Variants in ARHGAP39 observed in about 807,000 individuals in gnomAD.
The protein encoded by ARHGAP39 is rho GTPase-activating protein 39.
ARHGAP39 carries 44 observed loss-of-function variants against 106.9 expected under a neutral mutation model. The observed-to-expected ratio is 0.41, with a 90% CI of 0.32 to 0.53. The LOEUF (loss-of-function observed/expected upper bound fraction) is 0.53, where lower values mean the gene tolerates loss of function less well. ARHGAP39 is among the 20% of genes least tolerant of loss of function. The probability of loss-of-function intolerance (pLI) is 0.21; values close to 1 mark genes in which losing one functional copy is unlikely to be tolerated. For synonymous variants in ARHGAP39, 768 were observed against 693.2 expected, an observed-to-expected ratio of 1.11 and a Z score of -1.69; for missense variants, 1,496 against 1,577.3, an observed-to-expected ratio of 0.95 and a Z score of 0.87.
At chr8:144,534,510 C>G (rs1208137055) in intron 7 of ARHGAP39, among the ~76,000 whole-genome samples, 1 of 152,212 alleles carries the variant, frequency 6.6e-6, no homozygotes, top group East Asian at 1.9e-4. Context: ...CCTCTAGACC[C>G]CACTGCTCCC....
At chr8:144,545,026 C>G (rs1295912622) in intron 6 of ARHGAP39, among the ~76,000 whole-genome samples, 1 of 152,268 alleles carries the variant, frequency 6.6e-6, no homozygotes, top group Non-Finnish European at 1.5e-5. Context: ...GCCCTCGTGT[C>G]TGCCAGGGCT....
intron 2 of ARHGAP39, among the ~76,000 whole-genome samples, chr8:144,581,567 C>T (rs1008085989): frequency 6.6e-6 from 1 of 152,228 alleles, no homozygotes; most frequent in Non-Finnish European, 1.5e-5. Context: ...TCCTCACAGG[C>T]ACCCAGGCCA....
chr8:144,558,235 A>G (rs1818018235), intron 3 of ARHGAP39, among the ~76,000 whole-genome samples: 1 of 152,262 alleles, frequency 6.6e-6, no homozygotes, highest in African/African-American at 2.4e-5. Context: ...GGAAAATTCA[A>G]TAAATATAAA....
intron 3 of ARHGAP39, among the ~76,000 whole-genome samples, chr8:144,579,492 G>A (rs1046004930): frequency 2.6e-5 from 4 of 151,952 alleles, no homozygotes; most frequent in African/African-American, 9.7e-5. Context: ...CCTGAATACC[G>A]ACACCAACAC....
At chr8:144,663,909 G>A (rs767761281) in intron 1 of ARHGAP39, among the ~76,000 whole-genome samples, 1 of 152,228 alleles carries the variant, frequency 6.6e-6, no homozygotes, top group Non-Finnish European at 1.5e-5. Context: ...GCTCATGCCT[G>A]TAATCCCAGC....
rs143702957 is a variant in ARHGAP39, at chr8:144,644,143, G to A, written c.-81-38448C>T. 1.1e-3 allele frequency among the ~76,000 whole-genome samples: 165 copies of A among 152,244 alleles called. No homozygotes were observed. Among genetic ancestry groups the A allele is most frequent in the African/African-American group, 3.8e-3 (158 of 41,548 alleles). On this transcript the variant is annotated intron_variant, in intron 1 of 11. Coordinates refer to ENST00000377307, the MANE Select transcript of ARHGAP39 (RefSeq NM_025251.3). This position sits in a 1 kb window ranked among gnomAD's most constrained non-coding sequence, Gnocchi z 4.8. ...ATTCCCGGCAGCACCATTCACAGGA[G>A]CCAAACACAGCACAGCCCCACGTTC...
Position 144,679,083 on chromosome 8 carries a change from G to A in ARHGAP39, c.-82+6603C>T, listed in dbSNP as rs547716241. 3.9e-5 allele frequency among the ~76,000 whole-genome samples: 6 copies of A among 152,342 alleles called. No individual in the cohort carries two copies. In the East Asian group the frequency reaches 1.2e-3, roughly 29 times the overall value. ...AGGTGAAGGTCCCAAAGCCCCAAAG[G>A]GTTGAGGCCAGAAGTGAATGTGGGT... On this transcript the variant is annotated intron_variant, in intron 1 of 11. Transcript: ENST00000377307. This position sits in a 1 kb window ranked among gnomAD's most constrained non-coding sequence, Gnocchi z 4.7.
intron 4 of ARHGAP39, among the ~76,000 whole-genome samples, chr8:144,551,630 T>G (rs546176335): frequency 5.1e-4 from 73 of 142,174 alleles, no homozygotes; most frequent in South Asian, 3.1e-3. Context: ...CCTTCCGCCA[T>G]GTAGGCAGCT....
At chr8:144,598,380 G>A (rs1819710975) in intron 2 of ARHGAP39, among the ~76,000 whole-genome samples, 1 of 152,226 alleles carries the variant, frequency 6.6e-6, no homozygotes, top group Non-Finnish European at 1.5e-5. Context: ...GGTGCCACAT[G>A]AGGACACATG....
rs189616136 is a variant in ARHGAP39 at position 144,571,024 on chromosome 8, C to T, written c.512+9822G>A. Among the ~76,000 whole-genome samples, 830 of 152,202 alleles carry T rather than the reference C, an allele frequency of 5.5e-3. 5 individuals are homozygous for T. The highest frequency in any genetic ancestry group is 0.018 in the African/African-American group (759 of 41,512). The stretch of plus-strand genomic sequence containing the variant: ...CAACCAAAAAAAGTCCAGGACCAGA[C>T]GGATTCACAGCCGAATTCTACCAGA... On this transcript the variant is annotated intron_variant, in intron 3 of 11. Coordinates refer to ENST00000377307, the MANE Select transcript of ARHGAP39 (RefSeq NM_025251.3).
At chr8:144,605,087 C>G (rs1439654380) in intron 2 of ARHGAP39, among the ~76,000 whole-genome samples, 1 of 152,052 alleles carries the variant, frequency 6.6e-6, no homozygotes, top group African/African-American at 2.4e-5. Flanking sequence ...AGCAACAGAC[C>G]TCATCTTTAC....
intron 3 of ARHGAP39, among the ~76,000 whole-genome samples, chr8:144,572,672 C>T (rs1378443783): frequency 2.0e-5 from 3 of 152,088 alleles, no homozygotes; most frequent in Admixed American, 2.0e-4. Flanking sequence ...AAAGAAACTA[C>T]CATCAGAGTG....
intron 1 of ARHGAP39, among the ~76,000 whole-genome samples, chr8:144,672,231 T>A (rs544032547): frequency 1.3e-5 from 2 of 152,252 alleles, no homozygotes; most frequent in Admixed American, 6.5e-5. Flanking sequence ...GCAGTCAGAT[T>A]CCGGGGAAAC....
At chr8:144,638,988 C>T (rs564623029) in intron 1 of ARHGAP39, among the ~76,000 whole-genome samples, 2 of 152,216 alleles carry the variant, frequency 1.3e-5, no homozygotes, top group South Asian at 2.1e-4. Flanking sequence ...TTTGTTTTCA[C>T]TCTGCCACCC....
Position 144,548,192 on chromosome 8 carries a change from G to T in ARHGAP39, c.894C>A (p.Asp298Glu). 6.3e-7 allele frequency: 1 copy of T among 1,583,702 alleles called. No homozygotes were observed. Among genetic ancestry groups the T allele is most frequent in the Non-Finnish European group, 8.6e-7 (1 of 1,163,968 alleles). Reference protein sequence around the residue: ...LLAQPRKPSGDSQPSSPRYGY... With the variant: ...LLAQPRKPSGESQPSSPRYGY... Reference sequence around the variant, plus strand: ...CATAGCGCGGGGAGGAGGGCTGCGAGTCCCCGGAGGGCTTTCGGGGCTGGG... The same window carrying T: ...CATAGCGCGGGGAGGAGGGCTGCGATTCCCCGGAGGGCTTTCGGGGCTGGG... Residue 298 changes from aspartate to glutamate, a missense_variant, in exon 5 of 12, where the codon GAC (aspartate) becomes GAA (glutamate). By Grantham distance (45) the Asp-to-Glu change is conservative (BLOSUM62 2). Coordinates refer to ENST00000377307, the MANE Select transcript of ARHGAP39 (RefSeq NM_025251.3). This position sits in a 1 kb window ranked among gnomAD's most constrained non-coding sequence, Gnocchi z 7.4.
chr8:144,531,172 G>A (rs892599569), intron 10 of ARHGAP39, among the ~76,000 whole-genome samples: 5 of 152,110 alleles, frequency 3.3e-5, no homozygotes, highest in Non-Finnish European at 5.9e-5. Flanking sequence ...AGCAGGCACA[G>A]CTGAAGGGCA....
In ARHGAP39 at chr8:144,537,767, C is replaced by G; in HGVS notation, c.2568G>C (p.Lys856Asn). Residue 856 changes from lysine (K) to asparagine (N), a missense_variant, in exon 7 of 12, where the codon AAG (lysine) becomes AAC (asparagine). Around this residue, in one of 4 missense-constraint regions of ARHGAP39, gnomAD observed 470 missense variants for 605.1 expected, o/e 0.78. Transcript: ENST00000377307. ...KELLERNTKKKSKLRKKPKPY... is the reference protein window; with the variant it reads ...KELLERNTKKNSKLRKKPKPY... ...GCTTGGGTTTCTTTCTCAATTTGGA[C>G]TTCTTCTTAGTGTTTCTTTCCAGGA... The G allele has an allele frequency of 1.2e-6, 2 of 1,614,122 alleles. No individual in the cohort carries two copies. Among genetic ancestry groups the G allele is most frequent in the Non-Finnish European group, 1.7e-6 (2 of 1,179,964 alleles).
intron 1 of ARHGAP39, among the ~76,000 whole-genome samples, chr8:144,672,675 A>T (rs1031974956): frequency 2.0e-5 from 3 of 152,262 alleles, no homozygotes; most frequent in Non-Finnish European, 4.4e-5. Context: ...CTTAGTGTTG[A>T]TATTAATTTT....
In ARHGAP39 at chr8:144,671,699, C is replaced by T. The variant is rs1375762734; in HGVS notation, c.-82+13987G>A. ...AGAAAGCCTACCTGAACTCCACGCC[C>T]CTCCCGGCCAGCCACCCTAGGGTTC... is the stretch of plus-strand genomic sequence containing the variant. On this transcript the variant is annotated intron_variant, in intron 1 of 11. Coordinates refer to ENST00000377307, the MANE Select transcript of ARHGAP39 (RefSeq NM_025251.3). This position sits in a 1 kb window ranked among gnomAD's most constrained non-coding sequence, Gnocchi z 4.5. Among the ~76,000 whole-genome samples, 3 of 152,252 alleles carry T rather than the reference C, an allele frequency of 2.0e-5. No individual in the cohort carries two copies. The East Asian group carries it at 5.8e-4, about 29-fold the overall frequency.
Sources: allele counts gnomAD v4.1 joint callset (sites outside exome capture counted in the v4.1 genomes callset), GRCh38; gene constraint gnomAD v4.1.1; regional missense constraint gnomAD v4.1.1; non-coding constraint Gnocchi (gnomAD v3.1); transcripts MANE v1.5; gene names NCBI Gene and HGNC (gene_info 2026-07-23, HGNC 2026-07-21).